CCDC88C: variants seen among roughly 807,000 people sequenced by gnomAD.
CCDC88C encodes coiled-coil and HOOK domain protein 88C, also known as protein Daple.
CCDC88C carries 131 observed loss-of-function variants against 198.8 expected under a neutral mutation model. That is an observed-to-expected ratio of 0.66 (90% confidence interval 0.57 to 0.76). The LOEUF (loss-of-function observed/expected upper bound fraction) is 0.76, where lower values mean the gene tolerates loss of function less well. Among genes scored for constraint, CCDC88C ranks in the 30% least tolerant of loss-of-function variants. The probability of loss-of-function intolerance (pLI) is 0.00; values close to 1 mark genes in which losing one functional copy is unlikely to be tolerated. For missense variants in CCDC88C, 2,553 were observed against 2,631.6 expected (o/e 0.97, Z 0.65); for synonymous variants, 1,166 against 1,114.7 (o/e 1.05, Z -0.92).
chr14:91,307,589 T>G (rs2139790307), intron 17 of CCDC88C, among the ~76,000 whole-genome samples: 1 of 152,352 alleles, frequency 6.6e-6, no homozygotes, highest in East Asian at 1.9e-4. Flanking sequence ...AAGCCCCTGC[T>G]GGCACTGGAG....
chr14:91,273,673 G>C lies in CCDC88C; in HGVS notation c.5059-20C>G. ...AGTGTCCTACGGAGAAGAGAGTGAA[G>C]GTTGGAGGTGGGCATGAGGGTTGGG... On this transcript the variant is annotated intron_variant, in intron 29 of 29. Transcript: ENST00000389857. This position sits in a 1 kb window ranked among gnomAD's most constrained non-coding sequence, Gnocchi z 5.6. The C allele has an allele frequency of 6.9e-7, 1 of 1,443,738 alleles. No individual in the cohort carries two copies. Among genetic ancestry groups the C allele is most frequent in the Non-Finnish European group, 9.1e-7 (1 of 1,095,502 alleles). The allele number at this position is 1,443,738 out of a possible 1,614,324, so 89.4% of individuals were successfully genotyped here.
In CCDC88C at chr14:91,299,973, C is replaced by T. The variant is rs756426913; in HGVS notation, c.3733G>A (p.Ala1245Thr). The T allele has an allele frequency of 3.1e-5, 49 of 1,594,768 alleles. No individual in the cohort carries two copies. The highest frequency in any genetic ancestry group is 4.2e-5 in the Non-Finnish European group (49 of 1,171,862). The change falls in exon 21 of 30, where the codon GCC (alanine) becomes ACC (threonine). Residue 1245 changes from alanine (A) to threonine (T), a missense_variant. This residue lies in a region of CCDC88C where 1,293 missense variants were observed against 1,219.6 expected (regional missense o/e 1.06). Coordinates refer to ENST00000389857, the MANE Select transcript of CCDC88C (RefSeq NM_001080414.4). ...CTCTGGTTCTCGCCCATGGCGAGGGCGTTTGTCCTCTGCTCCTGCTGCAGC... is the reference window on the plus strand; with the variant it reads ...CTCTGGTTCTCGCCCATGGCGAGGGTGTTTGTCCTCTGCTCCTGCTGCAGC... ...EALQQEQRTN[A>T]LAMGENQRLR...
At chr14:91,326,748 C>T (rs568360041) in intron 10 of CCDC88C, among the ~76,000 whole-genome samples, 4 of 152,312 alleles carry the variant, frequency 2.6e-5, no homozygotes, top group Admixed American at 2.6e-4. Flanking sequence ...ATTCATTCTA[C>T]AGATGTGGGG....
At chr14:91,369,068 C>T (rs1175363141) in intron 3 of CCDC88C, among the ~76,000 whole-genome samples, 5 of 152,346 alleles carry the variant, frequency 3.3e-5, no homozygotes, top group Admixed American at 2.0e-4. Flanking sequence ...GATCGTTTGC[C>T]AGCAGGGCCT....
At chr14:91,386,855 T>A (rs1003922881) in intron 3 of CCDC88C, among the ~76,000 whole-genome samples, 1 of 152,160 alleles carries the variant, frequency 6.6e-6, no homozygotes, top group African/African-American at 2.4e-5. Flanking sequence ...TGGGACCAAC[T>A]AAGTCATCTC....
chr14:91,280,492 A>T (rs74454339), intron 27 of CCDC88C, among the ~76,000 whole-genome samples: 2,695 of 152,338 alleles, frequency 0.018, 41 homozygotes, highest in Middle Eastern at 0.024. Context: ...CATCTCTCTT[A>T]AAAAAATAAG....
At position 91,313,445 on chromosome 14, in the gene CCDC88C, C is replaced by T. The variant is rs769106451; in HGVS notation, c.2371G>A (p.Glu791Lys). The change falls in exon 15 of 30, where the codon GAG (glutamate) becomes AAG (lysine). Residue 791 changes from glutamate to lysine, a missense_variant. By Grantham distance (56) the Glu-to-Lys change is moderately conservative (BLOSUM62 1). Around this residue, in one of 2 missense-constraint regions of CCDC88C, gnomAD observed 1,260 missense variants for 1,412.0 expected, o/e 0.89. Coordinates refer to ENST00000389857, the MANE Select transcript of CCDC88C (RefSeq NM_001080414.4). The surrounding 1 kb of genome is among the most constrained non-coding windows in gnomAD (Gnocchi z 5.2). ...AGCGCCTGGCGCTCAGCCTCCAGCT[C>T]GCCCAGCTCACTCTCCAAGGTCTGC... is the stretch of plus-strand genomic sequence containing the variant. Reference protein sequence around the residue: ...KTQTLESELGELEAERQALRR... With the variant: ...KTQTLESELGKLEAERQALRR... 1.6e-5 allele frequency: 25 copies of T among 1,607,306 alleles called. 1 individual carries two copies. The highest frequency in any genetic ancestry group is 1.3e-4 in the Admixed American group (8 of 59,996).
chr14:91,385,643 AG>A (rs1885088074), intron 3 of CCDC88C, among the ~76,000 whole-genome samples: 1 of 152,186 alleles, frequency 6.6e-6, no homozygotes, highest in East Asian at 1.9e-4. Flanking sequence ...TGTGCCGAAC[AG>A]GGGGCTAGAT....
chr14:91,400,761 A>G (rs964875802), intron 3 of CCDC88C, among the ~76,000 whole-genome samples: 1 of 152,254 alleles, frequency 6.6e-6, no homozygotes, highest in East Asian at 1.9e-4. Flanking sequence ...ACAAAGGGTG[A>G]AGAACACAAA....
chr14:91,394,635 C>A (rs1405470284), intron 3 of CCDC88C, among the ~76,000 whole-genome samples: 1 of 152,196 alleles, frequency 6.6e-6, no homozygotes, highest in African/African-American at 2.4e-5. Context: ...AGACACATTT[C>A]CATGCTGGTG....
chr14:91,306,521 A>C (rs1258894313), intron 18 of CCDC88C, among the ~76,000 whole-genome samples: 1 of 152,246 alleles, frequency 6.6e-6, no homozygotes, highest in African/African-American at 2.4e-5. Context: ...AATGAAAATC[A>C]CCACTCTGAA....
intron 13 of CCDC88C, among the ~76,000 whole-genome samples, chr14:91,320,024 CAAAAAAAAAAAAAAAAA>C (rs61102058): frequency 1.7e-4 from 4 of 24,158 alleles, no homozygotes; most frequent in East Asian, 1.3e-3. Flanking sequence ...AACTCAGTCT[CAAAAAAAAAAAAAAAAA>C]AAAAAAAAAA....
chr14:91,292,246 A>T (rs1890691236), intron 23 of CCDC88C, among the ~76,000 whole-genome samples: 1 of 152,104 alleles, frequency 6.6e-6, no homozygotes, highest in Non-Finnish European at 1.5e-5. Context: ...TTAAGCCTTG[A>T]GTGCTTCATG....
intron 14 of CCDC88C, 145 bp from the exon 15 acceptor site, chr14:91,314,295 T>C: frequency 1.5e-6 from 1 of 651,432 alleles, no homozygotes; most frequent in Admixed American, 2.8e-5. Flanking sequence ...CCCCAGAGGC[T>C]TGACAGACAC....
chr14:91,310,068 A>T lies in CCDC88C; in HGVS notation c.2737-82T>A, dbSNP rs1428928686. 8 of 1,394,020 alleles carry T rather than the reference A, an allele frequency of 5.7e-6. No individual in the cohort carries two copies. The Admixed American group carries it at 1.6e-4, about 27-fold the overall frequency. 86.4% of individuals were successfully genotyped at this position (1,394,020 alleles called of 1,614,324 possible). On this transcript the variant is annotated intron_variant, in intron 15 of 29. Transcript: ENST00000389857. ...CAGGCGCCAGTCCCGCCCGGGTGTG[A>T]GCAACTGTCCTCCCGGGCCACGGCT...
intron 29 of CCDC88C, among the ~76,000 whole-genome samples, chr14:91,277,144 A>AT (rs1420156264): frequency 2.0e-5 from 3 of 151,888 alleles, no homozygotes; most frequent in Non-Finnish European, 4.4e-5. Flanking sequence ...TAATTTTTGT[A>AT]TTTTTTGTAG....
intron 15 of CCDC88C, among the ~76,000 whole-genome samples, chr14:91,312,512 G>A (rs1307155340): frequency 2.0e-5 from 3 of 152,152 alleles, no homozygotes; most frequent in Non-Finnish European, 2.9e-5. Context: ...GTGAAAACCC[G>A]TCTCTACTAA....
chr14:91,300,080 G>A lies in CCDC88C; in HGVS notation c.3636-10C>T. The stretch of plus-strand genomic sequence containing the variant: ...CAGCATGTCACCGTGCCTGTTGGAG[G>A]GAAGCACCTGCCGTGAGTCTGGCCA... On this transcript the variant is annotated splice_polypyrimidine_tract_variant and intron_variant, in intron 20 of 29. Coordinates refer to ENST00000389857, the MANE Select transcript of CCDC88C (RefSeq NM_001080414.4). 6 of 1,605,440 alleles carry A rather than the reference G, an allele frequency of 3.7e-6. No individual in the cohort carries two copies. Among genetic ancestry groups the A allele is most frequent in the Non-Finnish European group, 4.2e-6 (5 of 1,176,822 alleles).
chr14:91,294,347 C>T, intron 22 of CCDC88C, 29 bp from the exon 23 acceptor site: 1 of 1,611,132 alleles, frequency 6.2e-7, no homozygotes, highest in Non-Finnish European at 8.5e-7. Context: ...GCGTCTCAGA[C>T]ACCATGTGAC....
Sources: allele counts gnomAD v4.1 joint callset (sites outside exome capture counted in the v4.1 genomes callset), GRCh38; gene constraint gnomAD v4.1.1; regional missense constraint gnomAD v4.1.1; non-coding constraint Gnocchi (gnomAD v3.1); transcripts MANE v1.5; gene names NCBI Gene and HGNC (gene_info 2026-07-23, HGNC 2026-07-21).